Variants in IL1RL2 observed in about 807,000 individuals in gnomAD.
IL1RL2 encodes the protein interleukin-1 receptor-like 2.
A neutral mutation model predicts 66.8 loss-of-function variants in IL1RL2; 68 were observed. The observed-to-expected ratio is 1.02, with a 90% confidence interval of 0.84 to 1.25. The LOEUF is 1.25. IL1RL2 is among the 50% of genes most tolerant of loss of function. IL1RL2 has a pLI of 0.00. For missense variants in IL1RL2, 729 were observed against 709.3 expected (o/e 1.03, Z -0.32); for synonymous variants, 305 against 264.6 (o/e 1.15, Z -1.48).
At chr2:102,201,858 C>T (rs1421864182) in intron 5 of IL1RL2, 143 bp downstream of exon 5, 4 of 693,624 alleles carry the variant, frequency 5.8e-6, no homozygotes, top group Non-Finnish European at 9.6e-6. Context: ...AGACCTGCCA[C>T]TGTTAGAATC....
chr2:102,235,277 G>A lies in IL1RL2; in HGVS notation c.1678G>A (p.Gly560Ser). 6.2e-7 allele frequency: 1 copy of A among 1,611,318 alleles called. No homozygotes were observed. Among genetic ancestry groups the A allele is most frequent in the Non-Finnish European group, 8.5e-7 (1 of 1,178,614 alleles). ...GCACACACCTTGCTACCGCACCGCAGGTGAGCGGGTGGGAGGACACGAGGT... is the reference window on the plus strand; with the variant it reads ...GCACACACCTTGCTACCGCACCGCAAGTGAGCGGGTGGGAGGACACGAGGT... ...LQHTPCYRTA[G>S]PELGSRRKKC... The change falls in exon 11 of 12, where the codon GGC (glycine) becomes AGC (serine). Residue 560 changes from glycine to serine, a missense_variant and splice_region_variant. Transcript: ENST00000264257.
chr2:102,237,887 C>T lies in IL1RL2; in HGVS notation c.1679-1305C>T, dbSNP rs35899168. On this transcript the variant is annotated intron_variant, in intron 11 of 11. Coordinates refer to ENST00000264257, the MANE Select transcript of IL1RL2 (RefSeq NM_003854.4). ...CTGAAGGCCACCCTCAATTCTCTCC[C>T]GTTTCTCCAGCTGGGCTTGGCGCAA... 1.6e-3 allele frequency among the ~76,000 whole-genome samples: 239 copies of T among 152,240 alleles called. 1 individual carries two copies. The highest frequency in any genetic ancestry group is 1.7e-3 in the African/African-American group (72 of 41,540).
chr2:102,193,208 A>C (rs903833295), intron 4 of IL1RL2, among the ~76,000 whole-genome samples: 1 of 152,094 alleles, frequency 6.6e-6, no homozygotes, highest in African/African-American at 2.4e-5. Flanking sequence ...TCCCTCTTTT[A>C]CAAGAAATGT....
intron 5 of IL1RL2, among the ~76,000 whole-genome samples, chr2:102,204,086 C>T (rs1688497666): frequency 6.6e-6 from 1 of 151,880 alleles, no homozygotes; most frequent in Non-Finnish European, 1.5e-5. Flanking sequence ...GTTGTGTTTC[C>T]ATTATTTGTT....
rs543844721 is a variant in IL1RL2, at chr2:102,205,969, C to G, written c.649+4254C>G. 9.1e-4 allele frequency among the ~76,000 whole-genome samples: 139 copies of G among 152,064 alleles called. 1 individual carries two copies. The highest frequency in any genetic ancestry group is 9.7e-4 in the East Asian group (5 of 5,156). Reference sequence around the variant, plus strand: ...CCTTTGACTGTGTATTTTCAGATAGCCTGTCTTCCAGCCTGCTAATTCTTT... The same window carrying G: ...CCTTTGACTGTGTATTTTCAGATAGGCTGTCTTCCAGCCTGCTAATTCTTT... On this transcript the variant is annotated intron_variant, in intron 5 of 11. Coordinates refer to ENST00000264257, the MANE Select transcript of IL1RL2 (RefSeq NM_003854.4).
chr2:102,239,223 T>C lies in IL1RL2; in HGVS notation c.1710T>C (p.Cys570=). Residue 570 remains cysteine, a synonymous_variant, in exon 12 of 12, where the codon TGT becomes TGC. Transcript: ENST00000264257. The stretch of plus-strand genomic sequence containing the variant: ...AACTAGGCTCAAGAAGAAAGAAGTG[T>C]ACTCTCACGACTGGCTAAGACTTGC... ...GPELGSRRKK[C]TLTTG is the part of the protein sequence containing the mutation. 6.2e-6 allele frequency: 10 copies of C among 1,614,084 alleles called. No individual in the cohort carries two copies. Among genetic ancestry groups the C allele is most frequent in the Non-Finnish European group, 8.5e-6 (10 of 1,179,942 alleles).
At chr2:102,211,574 G>A (rs1447609486) in intron 5 of IL1RL2, among the ~76,000 whole-genome samples, 1 of 152,120 alleles carries the variant, frequency 6.6e-6, no homozygotes, top group Non-Finnish European at 1.5e-5. Context: ...CAGTTCCCAA[G>A]ATTATTTTAA....
At chr2:102,214,386 A>G (rs1192511644) in intron 6 of IL1RL2, among the ~76,000 whole-genome samples, 1 of 152,214 alleles carries the variant, frequency 6.6e-6, no homozygotes, top group Admixed American at 6.5e-5. Context: ...TAGCATTTTT[A>G]CATGCCTGAA....
intron 11 of IL1RL2, among the ~76,000 whole-genome samples, chr2:102,236,713 C>T (rs927041255): frequency 7.2e-5 from 11 of 152,192 alleles, no homozygotes; most frequent in Admixed American, 6.5e-4. Context: ...ATTCTGTGCC[C>T]ATTAAGCTAT....
chr2:102,235,075 G>A lies in IL1RL2; in HGVS notation c.1476G>A (p.Glu492=). The change falls in exon 11 of 12, where the codon GAG becomes GAA. Residue 492 remains glutamate (E), a synonymous_variant. Transcript: ENST00000264257. Reference sequence around the variant, plus strand: ...TTCTCATTGAGCTGGAGAAAATCGAGGACTACACAGTCATGCCAGAGTCAA... The same window carrying A: ...TTCTCATTGAGCTGGAGAAAATCGAAGACTACACAGTCATGCCAGAGTCAA... The part of the protein sequence containing the change: ...KVILIELEKI[E]DYTVMPESIQ... 6.2e-7 allele frequency: 1 copy of A among 1,614,180 alleles called. No individual in the cohort carries two copies. The highest frequency in any genetic ancestry group is 8.5e-7 in the Non-Finnish European group (1 of 1,180,038).
rs186739024 is a variant in IL1RL2 at position 102,230,330 on chromosome 2, A to T, written c.1136-2633A>T. ...ATGTGTGCTATGAAATTTCACACAG[A>T]AAAGTATCCACTTATTTGAGCGGTG... On this transcript the variant is annotated intron_variant, in intron 9 of 11. Transcript: ENST00000264257. Among the ~76,000 whole-genome samples the T allele has an allele frequency of 6.6e-4, 100 of 152,358 alleles. No homozygotes were observed. In the East Asian group the frequency reaches 0.016, roughly 24 times the overall value.
In IL1RL2 at chr2:102,229,273, G is replaced by A. The variant is rs1193282601; in HGVS notation, c.1135+3232G>A. The stretch of plus-strand genomic sequence containing the variant: ...AAATAGACTCTGCTTCTTTGCTAGG[G>A]TGTGGCAAAGTTCTGGAAGAACATG... On this transcript the variant is annotated intron_variant, in intron 9 of 11. Coordinates refer to ENST00000264257, the MANE Select transcript of IL1RL2 (RefSeq NM_003854.4). Among the ~76,000 whole-genome samples, 4 of 152,196 alleles carry A rather than the reference G, an allele frequency of 2.6e-5. No homozygotes were observed. In the East Asian group the frequency reaches 7.7e-4, roughly 29 times the overall value.
chr2:102,228,559 C>G (rs1418274211), intron 9 of IL1RL2, among the ~76,000 whole-genome samples: 1 of 152,162 alleles, frequency 6.6e-6, no homozygotes, highest in Non-Finnish European at 1.5e-5. Context: ...ATGGAAGGGT[C>G]TGTGCACGGA....
downstream of IL1RL2, among the ~76,000 whole-genome samples, chr2:102,241,210 A>G (rs1675222676): frequency 2.0e-5 from 3 of 152,298 alleles, no homozygotes; most frequent in South Asian, 6.2e-4. Context: ...AGATAGTGCC[A>G]TTTTCGAATG....
intron 4 of IL1RL2, among the ~76,000 whole-genome samples, chr2:102,200,632 C>A (rs1290289401): frequency 6.6e-6 from 1 of 152,208 alleles, no homozygotes; most frequent in Admixed American, 6.5e-5. Context: ...ATTAGCTAAG[C>A]AGTCACTCTG....
chr2:102,189,167 G>A lies in IL1RL2; in HGVS notation c.150G>A (p.Gly50=). The A allele has an allele frequency of 1.9e-6, 3 of 1,614,062 alleles. No homozygotes were observed. The highest frequency in any genetic ancestry group is 2.5e-6 in the Non-Finnish European group (3 of 1,179,968). Reference sequence around the variant, plus strand: ...GTACATTCCCTCCCATAACATCTGGGGAAGTCAGTGTAACATGGTATAAAA... The same window carrying A: ...GTACATTCCCTCCCATAACATCTGGAGAAGTCAGTGTAACATGGTATAAAA... The part of the protein sequence containing the change: ...FNCTFPPITS[G]EVSVTWYKNS... Residue 50 remains glycine, a synonymous_variant, in exon 3 of 12, where the codon GGG becomes GGA. Coordinates refer to ENST00000264257, the MANE Select transcript of IL1RL2 (RefSeq NM_003854.4).
At chr2:102,225,692 C>A (rs1458333965) in intron 8 of IL1RL2, among the ~76,000 whole-genome samples, 1 of 152,094 alleles carries the variant, frequency 6.6e-6, no homozygotes, top group East Asian at 1.9e-4. Context: ...TGACTTGTTT[C>A]CTAACAATCA....
At position 102,220,011 on chromosome 2, in the gene IL1RL2, C is replaced by A. The variant is rs765019755; in HGVS notation, c.985C>A (p.Leu329Ile). The A allele has an allele frequency of 6.2e-7, 1 of 1,609,632 alleles. No individual in the cohort carries two copies. Among genetic ancestry groups the A allele is most frequent in the South Asian group, 1.1e-5 (1 of 90,872 alleles). Residue 329 changes from leucine (L) to isoleucine (I), a missense_variant, in exon 8 of 12, where the codon CTC (leucine) becomes ATC (isoleucine). Transcript: ENST00000264257. ...GVSTAYIILQ[L>I]PAPDFRAYLI... ...GTCCACAGCATACATTATATTACAG[C>A]TCCCAGGTAATACTCCAGTGGGTTA... is the stretch of plus-strand genomic sequence containing the variant.
At chr2:102,210,666 T>G (rs1689094718) in intron 5 of IL1RL2, among the ~76,000 whole-genome samples, 1 of 152,210 alleles carries the variant, frequency 6.6e-6, no homozygotes, top group South Asian at 2.1e-4. Context: ...AACCAGGCTT[T>G]TTGACATGCA....
Sources: gnomAD v4.1 joint callset for allele counts (sites outside exome capture counted in the v4.1 genomes callset) on GRCh38, gnomAD v4.1.1 for gene constraint, MANE v1.5 for transcripts, NCBI Gene and HGNC (gene_info 2026-07-23, HGNC 2026-07-21) for gene names.